Variants in ADRA1A observed in about 807,000 individuals in gnomAD.
ADRA1A encodes the protein alpha-1A adrenergic receptor.
A neutral mutation model predicts 29.6 loss-of-function variants in ADRA1A; 31 were observed. That is an observed-to-expected ratio of 1.05 (90% CI 0.79 to 1.41). The LOEUF is 1.41. ADRA1A is among the 40% of genes most tolerant of loss of function. ADRA1A has a pLI of 0.00. For synonymous variants in ADRA1A, 311 were observed against 254.3 expected, an observed-to-expected ratio of 1.22 and a Z score of -2.12; for missense variants, 619 against 601.1, an observed-to-expected ratio of 1.03 and a Z score of -0.31.
At chr8:26,845,364 A>G (rs1379856131) in intron 2 of ADRA1A, among the ~76,000 whole-genome samples, 1 of 152,252 alleles carries the variant, frequency 6.6e-6, no homozygotes, top group Non-Finnish European at 1.5e-5. Context: ...GTCATTAGGG[A>G]AATGCAAAGC....
chr8:26,800,393 A>G (rs1808488797), intron 2 of ADRA1A, among the ~76,000 whole-genome samples: 1 of 152,204 alleles, frequency 6.6e-6, no homozygotes, highest in Non-Finnish European at 1.5e-5. Flanking sequence ...CAAAAACAGT[A>G]TAAAAATAAT....
intron 2 of ADRA1A, among the ~76,000 whole-genome samples, chr8:26,773,443 A>T (rs1806323273): frequency 6.6e-6 from 1 of 152,158 alleles, no homozygotes; most frequent in Admixed American, 6.5e-5. Context: ...ACTAATAGTG[A>T]CAGTGATGTG....
intron 2 of ADRA1A, among the ~76,000 whole-genome samples, chr8:26,830,159 C>T (rs907957839): frequency 6.6e-6 from 1 of 152,248 alleles, no homozygotes; most frequent in South Asian, 2.1e-4. Flanking sequence ...CCAGAGCTGA[C>T]CCTGCTTCTC....
chr8:26,771,845 C>T (rs1234017562), intron 2 of ADRA1A: 2 of 152,770 alleles, frequency 1.3e-5, no homozygotes, highest in East Asian at 3.9e-4. Flanking sequence ...CTGTATAACG[C>T]TGAGGGGATC....
At chr8:26,795,767 TA>T (rs2130449140) in intron 2 of ADRA1A, among the ~76,000 whole-genome samples, 1 of 152,094 alleles carries the variant, frequency 6.6e-6, no homozygotes, top group Admixed American at 6.6e-5. Context: ...GCAGGAACCA[TA>T]AGGAGGAGAA....
intron 2 of ADRA1A, chr8:26,772,187 C>T (rs1253111885): frequency 1.3e-5 from 2 of 149,064 alleles, no homozygotes; most frequent in Non-Finnish European, 3.0e-5. Flanking sequence ...CTTAAAAATG[C>T]TTATTAAAGA....
chr8:26,838,174 T>A (rs1227905074), intron 2 of ADRA1A, among the ~76,000 whole-genome samples: 1 of 152,240 alleles, frequency 6.6e-6, no homozygotes, highest in Non-Finnish European at 1.5e-5. Context: ...TCTATGTGGT[T>A]ACTTTCTTTA....
chr8:26,790,703 C>A (rs2130421065), intron 2 of ADRA1A, among the ~76,000 whole-genome samples: 1 of 152,136 alleles, frequency 6.6e-6, no homozygotes, highest in East Asian at 1.9e-4. Context: ...ATCAAAACAT[C>A]ACTATGTGCC....
At chr8:26,839,691 G>T (rs1335840342) in intron 2 of ADRA1A, among the ~76,000 whole-genome samples, 2 of 152,206 alleles carry the variant, frequency 1.3e-5, no homozygotes, top group African/African-American at 4.8e-5. Flanking sequence ...GAAGAGAAAA[G>T]CTGGGATTTA....
chr8:26,794,119 G>C (rs1316320107), intron 2 of ADRA1A, among the ~76,000 whole-genome samples: 1 of 152,024 alleles, frequency 6.6e-6, no homozygotes, highest in African/African-American at 2.4e-5. Context: ...AGGGCAGGAA[G>C]TGGCAAACTT....
At chr8:26,784,169 C>T (rs61190123) in intron 2 of ADRA1A, among the ~76,000 whole-genome samples, 25,338 of 152,014 alleles carry the variant, frequency 0.17, 2,466 homozygotes, top group East Asian at 0.47. Flanking sequence ...ACATGTACCC[C>T]GGAACTTAAA....
chr8:26,757,005 G>A (rs1016585082), intron 2 of ADRA1A: 15 of 722,960 alleles, frequency 2.1e-5, no homozygotes, highest in Non-Finnish European at 3.2e-5. Context: ...TGCTCCCTGT[G>A]AGATGATGCT....
chr8:26,772,292 G>T (rs547894080), intron 2 of ADRA1A, among the ~76,000 whole-genome samples: 2 of 152,306 alleles, frequency 1.3e-5, no homozygotes, highest in Admixed American at 1.3e-4. Context: ...CTGATTCTCA[G>T]ACTTCCAAGG....
intron 2 of ADRA1A, chr8:26,858,976 C>T (rs759642885): frequency 1.6e-5 from 18 of 1,093,298 alleles, no homozygotes; most frequent in African/African-American, 4.9e-5. Context: ...GAAAAGGGAA[C>T]GTGAGACTTC....
At chr8:26,824,377 C>CG (rs1183523051) in intron 2 of ADRA1A, among the ~76,000 whole-genome samples, 1 of 151,984 alleles carries the variant, frequency 6.6e-6, no homozygotes, top group Non-Finnish European at 1.5e-5. Context: ...GCATGCCCGC[C>CG]GGGAAGCCAC....
At chr8:26,774,600 TA>T (rs1190580932) in intron 2 of ADRA1A, among the ~76,000 whole-genome samples, 1 of 148,654 alleles carries the variant, frequency 6.7e-6, no homozygotes, top group Non-Finnish European at 1.5e-5. Context: ...GCCCGGGAGG[TA>T]GAAGTTGTAG....
At chr8:26,858,806 C>T (rs931653065) in intron 2 of ADRA1A, among the ~76,000 whole-genome samples, 1 of 152,156 alleles carries the variant, frequency 6.6e-6, no homozygotes, top group Non-Finnish European at 1.5e-5. Context: ...ATGGCACCCC[C>T]CTCCCTTGAA....
rs1344040024 is a variant in ADRA1A at position 26,865,042 on chromosome 8, G to A, written c.-73C>T. ...CGGGCTGGCGCGGAGGCGGGAGCGC[G>A]GGAGCCGGGAATCAAAAGGTCTCGG... On this transcript the variant is annotated 5_prime_UTR_variant, in exon 2 of 3. Coordinates refer to ENST00000380573, the MANE Select transcript of ADRA1A (RefSeq NM_000680.4). This position sits in a 1 kb window ranked among gnomAD's most constrained non-coding sequence, Gnocchi z 7.6. 3.3e-6 allele frequency: 5 copies of A among 1,518,286 alleles called. No homozygotes were observed. Among genetic ancestry groups the A allele is most frequent in the Admixed American group, 4.2e-5 (2 of 47,654 alleles). The allele number at this position is 1,518,286 out of a possible 1,614,324, so 94.1% of individuals were successfully genotyped here. A position where few individuals can be genotyped will look rare whatever the true frequency, so the allele number is the denominator to read the frequency against.
intron 2 of ADRA1A, among the ~76,000 whole-genome samples, chr8:26,846,520 G>C (rs1200343201): frequency 6.6e-6 from 1 of 152,194 alleles, no homozygotes; most frequent in Non-Finnish European, 1.5e-5. Flanking sequence ...TGTAATCCTA[G>C]CACTTTGGGA....
Sources: gnomAD v4.1 joint callset for allele counts (sites outside exome capture counted in the v4.1 genomes callset) on GRCh38, gnomAD v4.1.1 for gene constraint, Gnocchi (gnomAD v3.1) non-coding constraint, MANE v1.5 for transcripts, NCBI Gene and HGNC (gene_info 2026-07-23, HGNC 2026-07-21) for gene names.